The following CEP128 variants were observed in gnomAD, a reference collection of about 807,000 sequenced individuals.
CEP128 encodes centrosomal protein 128.
CEP128 carries 132 observed loss-of-function variants against 156.7 expected under a neutral mutation model. The ratio of observed to expected loss-of-function variants is 0.84; its 90% CI spans 0.73 to 0.97. The LOEUF (loss-of-function observed/expected upper bound fraction) is 0.97. Among genes scored for constraint, CEP128 ranks in the 50% least tolerant of loss-of-function variants. The probability of loss-of-function intolerance (pLI) is 0.00; values close to 1 mark genes in which losing one functional copy is unlikely to be tolerated. For missense variants in CEP128, 1,252 were observed against 1,281.9 expected (o/e 0.98, Z 0.36); for synonymous variants, 469 against 448.9 (o/e 1.04, Z -0.57).
At chr14:80,579,917 A>T (rs1891515739) in intron 20 of CEP128, among the ~76,000 whole-genome samples, 1 of 152,234 alleles carries the variant, frequency 6.6e-6, no homozygotes, top group South Asian at 2.1e-4. Context: ...AATGTGAATA[A>T]ACCTGTACTG....
At position 80,595,940 on chromosome 14, in the gene CEP128, C is replaced by T. The variant is rs142294523; in HGVS notation, c.2807-15517G>A. On this transcript the variant is annotated intron_variant, in intron 19 of 24. Transcript: ENST00000555265. ...ACCAGAACAGCATGGGAAAGACCTG[C>T]CCCCATGATTTAATTATCTCTCACC... Among the ~76,000 whole-genome samples, 435 of 151,920 alleles carry T rather than the reference C, an allele frequency of 2.9e-3. 1 individual carries two copies. Among genetic ancestry groups the T allele is most frequent in the Middle Eastern group, 0.01 (3 of 294 alleles).
chr14:80,680,326 C>T (rs1198965797), intron 19 of CEP128, among the ~76,000 whole-genome samples: 2 of 152,124 alleles, frequency 1.3e-5, no homozygotes, highest in Non-Finnish European at 2.9e-5. Context: ...CACCCTGAAG[C>T]AGAAAGCCAG....
At chr14:80,594,833 G>A (rs1892243535) in intron 19 of CEP128, among the ~76,000 whole-genome samples, 1 of 152,204 alleles carries the variant, frequency 6.6e-6, no homozygotes, top group South Asian at 2.1e-4. Context: ...ACAGATCCTG[G>A]AGAGGATGTG....
chr14:80,925,171 T>G (rs148352066), intron 2 of CEP128, among the ~76,000 whole-genome samples: 160 of 152,066 alleles, frequency 1.1e-3, no homozygotes, highest in African/African-American at 3.8e-3. Flanking sequence ...AGATGTCTAA[T>G]ATGCAACCGG....
At chr14:80,536,388 T>C (rs545482532) in intron 21 of CEP128, among the ~76,000 whole-genome samples, 1 of 152,346 alleles carries the variant, frequency 6.6e-6, no homozygotes, top group South Asian at 2.1e-4. Flanking sequence ...ATGAATAAAT[T>C]AAAGGAGATG....
At chr14:80,868,148 T>C (rs921681281) in intron 8 of CEP128, among the ~76,000 whole-genome samples, 1 of 152,044 alleles carries the variant, frequency 6.6e-6, no homozygotes, top group Non-Finnish European at 1.5e-5. Context: ...AGGGAGTTCT[T>C]CAAGACAAAA....
At chr14:80,745,323 G>T (rs1899043497) in intron 18 of CEP128, among the ~76,000 whole-genome samples, 1 of 152,124 alleles carries the variant, frequency 6.6e-6, no homozygotes, top group Non-Finnish European at 1.5e-5. Context: ...ACAGCCTATA[G>T]AACTGTGTGT....
chr14:80,561,216 A>T (rs1257935625), intron 20 of CEP128, among the ~76,000 whole-genome samples: 4 of 152,218 alleles, frequency 2.6e-5, no homozygotes, highest in Non-Finnish European at 5.9e-5. Flanking sequence ...CATTATGCAA[A>T]ATTAGCCCAA....
At position 80,679,488 on chromosome 14, in the gene CEP128, G is replaced by T. The variant is rs138408646; in HGVS notation, c.2806+63587C>A. Among the ~76,000 whole-genome samples the T allele has an allele frequency of 3.8e-3, 581 of 152,154 alleles. 3 individuals carry two copies. Among genetic ancestry groups the T allele is most frequent in the African/African-American group, 0.013 (554 of 41,526 alleles). On this transcript the variant is annotated intron_variant, in intron 19 of 24. Coordinates refer to ENST00000555265, the MANE Select transcript of CEP128 (RefSeq NM_152446.5). ...GAGATAAGGACTGAAATACGCCCTGGTCTCCCACAGTACCCTCAGGCTTAC... is the reference window on the plus strand; with the variant it reads ...GAGATAAGGACTGAAATACGCCCTGTTCTCCCACAGTACCCTCAGGCTTAC...
intron 19 of CEP128, among the ~76,000 whole-genome samples, chr14:80,611,695 A>T (rs148074628): frequency 6.6e-6 from 1 of 152,228 alleles, no homozygotes; most frequent in Non-Finnish European, 1.5e-5. Flanking sequence ...CACTCTAAGT[A>T]TTCCCAAAGT....
chr14:80,524,230 T>G (rs1341172995), intron 23 of CEP128, among the ~76,000 whole-genome samples: 1 of 152,238 alleles, frequency 6.6e-6, no homozygotes, highest in Non-Finnish European at 1.5e-5. Flanking sequence ...TGCATTAAAC[T>G]GAGTCTTACA....
intron 19 of CEP128, among the ~76,000 whole-genome samples, chr14:80,670,225 C>T (rs1015880741): frequency 1.3e-5 from 2 of 152,072 alleles, no homozygotes; most frequent in East Asian, 1.9e-4. Flanking sequence ...GGGCAAATAT[C>T]GAAACTATAT....
intron 19 of CEP128, among the ~76,000 whole-genome samples, chr14:80,720,049 C>A (rs1406468511): frequency 1.3e-5 from 2 of 151,990 alleles, no homozygotes; most frequent in East Asian, 3.9e-4. Context: ...GAGGAGGTGA[C>A]ATTTCAACTG....
intron 19 of CEP128, among the ~76,000 whole-genome samples, chr14:80,711,437 G>C (rs925513320): frequency 6.6e-6 from 1 of 151,878 alleles, no homozygotes; most frequent in Non-Finnish European, 1.5e-5. Context: ...ACATAAGAAA[G>C]AGGCTAGCTT....
chr14:80,599,349 C>A (rs892178002), intron 19 of CEP128, among the ~76,000 whole-genome samples: 3 of 149,902 alleles, frequency 2.0e-5, no homozygotes, highest in Non-Finnish European at 4.4e-5. Context: ...CTCGGCTCAC[C>A]GCAAGCTCTG....
At chr14:80,604,581 G>C (rs549813413) in intron 19 of CEP128, among the ~76,000 whole-genome samples, 17 of 151,984 alleles carry the variant, frequency 1.1e-4, no homozygotes, top group Admixed American at 1.1e-3. Flanking sequence ...AACATTATTC[G>C]AATCTCAGCT....
chr14:80,905,278 AC>A (rs200747222), intron 5 of CEP128, among the ~76,000 whole-genome samples: 2 of 152,052 alleles, frequency 1.3e-5, no homozygotes, highest in African/African-American at 4.8e-5. Flanking sequence ...ACTAAAAAAA[AC>A]AACTTTTCAA....
intron 6 of CEP128, among the ~76,000 whole-genome samples, chr14:80,903,032 A>G (rs1483851149): frequency 6.6e-6 from 1 of 152,200 alleles, no homozygotes; most frequent in Non-Finnish European, 1.5e-5. Context: ...ATAGAATGAC[A>G]AAAGACCCCA....
At chr14:80,897,663 C>A (rs551062780) in intron 7 of CEP128, among the ~76,000 whole-genome samples, 3 of 152,104 alleles carry the variant, frequency 2.0e-5, no homozygotes, top group Admixed American at 1.3e-4. Context: ...CTTTGATTTC[C>A]AAAAACAGTA....
Sources: gnomAD v4.1 joint callset for allele counts (sites outside exome capture counted in the v4.1 genomes callset) on GRCh38, gnomAD v4.1.1 for gene constraint, MANE v1.5 for transcripts, NCBI Gene and HGNC (gene_info 2026-07-23, HGNC 2026-07-21) for gene names.